The following DYRK1A variants were observed in gnomAD, a reference collection of about 807,000 sequenced individuals.
The protein encoded by DYRK1A is dual specificity tyrosine phosphorylation regulated kinase 1A, also known as dual specificity tyrosine-phosphorylation-regulated kinase 1A.
Under a neutral mutation model 79.7 loss-of-function variants are expected in DYRK1A, and 9 were observed. The observed-to-expected ratio is 0.11, with a 90% CI of 0.07 to 0.20. DYRK1A has a LOEUF of 0.20. DYRK1A is among the 10% of genes least tolerant of loss of function. The pLI is 1.00. For missense variants in DYRK1A, 622 were observed against 956.0 expected (o/e 0.65, Z 4.61); for synonymous variants, 349 against 329.7 (o/e 1.06, Z -0.63).
At chr21:37,374,456 A>C (rs2049496562) in intron 1 of DYRK1A, among the ~76,000 whole-genome samples, 1 of 151,858 alleles carries the variant, frequency 6.6e-6, no homozygotes, top group Non-Finnish European at 1.5e-5. Flanking sequence ...GGGAAAACTA[A>C]TGGTTCCCAA....
At chr21:37,379,278 G>A (rs1252925640) in intron 1 of DYRK1A, among the ~76,000 whole-genome samples, 1 of 152,180 alleles carries the variant, frequency 6.6e-6, no homozygotes, top group Non-Finnish European at 1.5e-5. Flanking sequence ...GTATAGGCAT[G>A]AGGGAATACG....
chr21:37,447,189 A>G (rs963292968), intron 2 of DYRK1A, among the ~76,000 whole-genome samples: 1 of 152,144 alleles, frequency 6.6e-6, no homozygotes, highest in African/African-American at 2.4e-5. Context: ...GTTTTCTCTG[A>G]GGGCCTTGTT....
chr21:37,397,924 AATT>A (rs1462385710), intron 1 of DYRK1A, among the ~76,000 whole-genome samples: 1 of 151,934 alleles, frequency 6.6e-6, no homozygotes, highest in Non-Finnish European at 1.5e-5. Context: ...TTGTATTTCA[AATT>A]ATTTCATAAA....
At chr21:37,489,188 C>A (rs2052985534) in intron 6 of DYRK1A, among the ~76,000 whole-genome samples, 1 of 152,118 alleles carries the variant, frequency 6.6e-6, no homozygotes, top group Admixed American at 6.6e-5. Context: ...CCAGATAGAT[C>A]TGTAGAGAAA....
At chr21:37,478,513 T>G (rs950923004) in intron 4 of DYRK1A, among the ~76,000 whole-genome samples, 1 of 151,974 alleles carries the variant, frequency 6.6e-6, no homozygotes, top group Non-Finnish European at 1.5e-5. Flanking sequence ...GATAACTTGA[T>G]TTTTTTAAGG....
chr21:37,394,879 A>T (rs2049932862), intron 1 of DYRK1A, among the ~76,000 whole-genome samples: 2 of 152,196 alleles, frequency 1.3e-5, no homozygotes, highest in Admixed American at 6.5e-5. Flanking sequence ...AATCCTGAAT[A>T]TGTACTTCGT....
chr21:37,402,135 T>G (rs2050065136), intron 1 of DYRK1A, among the ~76,000 whole-genome samples: 2 of 152,228 alleles, frequency 1.3e-5, no homozygotes, highest in African/African-American at 4.8e-5. Flanking sequence ...TGCTTTAAGC[T>G]GTATTTTAAA....
At chr21:37,374,764 AG>A (rs1218620732) in intron 1 of DYRK1A, among the ~76,000 whole-genome samples, 4 of 152,132 alleles carry the variant, frequency 2.6e-5, no homozygotes, top group African/African-American at 9.7e-5. Flanking sequence ...TGTGTTAGCC[AG>A]GATGGTCTCA....
Position 37,518,907 on chromosome 21 carries a change from C to G in DYRK1A, c.*6376C>G, listed in dbSNP as rs2053907733. The stretch of plus-strand genomic sequence containing the variant: ...GGATTACAGGCGTGAGCTACTTCAC[C>G]CAGCCCCAAGAACATCTTGAAATGG... On this transcript the variant is annotated 3_prime_UTR_variant, in exon 12 of 12. Transcript: ENST00000647188. The G allele has an allele frequency of 4.6e-5, 7 of 152,128 alleles. No individual in the cohort carries two copies. The highest frequency in any genetic ancestry group is 4.6e-4 in the Admixed American group (7 of 15,276). 9.4% of individuals were successfully genotyped at this position (152,128 alleles called of 1,614,324 possible).
intron 2 of DYRK1A, among the ~76,000 whole-genome samples, chr21:37,451,686 G>A (rs191596189): frequency 6.6e-6 from 1 of 152,086 alleles, no homozygotes; most frequent in Non-Finnish European, 1.5e-5. Flanking sequence ...AGGCTCCACT[G>A]TCTAGCGTGG....
chr21:37,374,259 A>G (rs1382973542), intron 1 of DYRK1A, among the ~76,000 whole-genome samples: 1 of 151,422 alleles, frequency 6.6e-6, no homozygotes, highest in African/African-American at 2.4e-5. Flanking sequence ...TAACACTCGC[A>G]TGTTGTCAGG....
chr21:37,465,257 C>G lies in DYRK1A; in HGVS notation c.11-7427C>G, dbSNP rs1469668032. Among the ~76,000 whole-genome samples the G allele has an allele frequency of 2.0e-5, 3 of 152,298 alleles. No individual in the cohort carries two copies. In the East Asian group the frequency reaches 5.8e-4, roughly 29 times the overall value. On this transcript the variant is annotated intron_variant, in intron 2 of 11. Transcript: ENST00000647188. ...AAGTTTTTTCTTGCCAATTCACATT[C>G]AGATCATCCACAGCAAATTCCAAAA...
intron 1 of DYRK1A, among the ~76,000 whole-genome samples, chr21:37,390,177 C>G (rs2049843786): frequency 6.6e-6 from 1 of 152,058 alleles, no homozygotes. Flanking sequence ...TCACTGGTCC[C>G]CAGAGAATAT....
chr21:37,515,073 T>G lies in DYRK1A; in HGVS notation c.*2542T>G, dbSNP rs2049565427. ...CCTGTGTTCAGATTGTAAGATCTAG[T>G]CCGGACTTGCTGTGTATATTGTAAC... On this transcript the variant is annotated 3_prime_UTR_variant, in exon 12 of 12. Transcript: ENST00000647188. 6.5e-6 allele frequency: 1 copy of G among 152,692 alleles called. No homozygotes were observed. The highest frequency in any genetic ancestry group is 1.5e-5 in the Non-Finnish European group (1 of 68,050). 9.5% of individuals were successfully genotyped at this position (152,692 alleles called of 1,614,324 possible). A position where few individuals can be genotyped will look rare whatever the true frequency, so the allele number is the denominator to read the frequency against.
intron 2 of DYRK1A, among the ~76,000 whole-genome samples, chr21:37,430,672 T>G (rs1339838916): frequency 1.3e-5 from 2 of 152,178 alleles, no homozygotes; most frequent in East Asian, 3.8e-4. Flanking sequence ...AAGATTCTCT[T>G]TCTCTGCTTG....
chr21:37,373,859 T>C (rs571639929), intron 1 of DYRK1A, among the ~76,000 whole-genome samples: 1 of 152,224 alleles, frequency 6.6e-6, no homozygotes, highest in Non-Finnish European at 1.5e-5. Context: ...GATTAAACAT[T>C]GCCTGTTACA....
At chr21:37,472,611 CCA>C in intron 2 of DYRK1A, 71 bp from the exon 3 acceptor site, 1 of 1,268,474 alleles carries the variant, frequency 7.9e-7, no homozygotes, top group African/African-American at 1.5e-5. Flanking sequence ...ATTTAAGGAA[CCA>C]TTAGATATGT....
chr21:37,413,468 G>T (rs1159042330), intron 1 of DYRK1A, among the ~76,000 whole-genome samples: 1 of 152,126 alleles, frequency 6.6e-6, no homozygotes, highest in Non-Finnish European at 1.5e-5. Context: ...AAAAGTTGGT[G>T]CTGTCAGAAG....
Position 37,452,240 on chromosome 21 carries a change from G to T in DYRK1A, c.11-20444G>T, listed in dbSNP as rs551293185. On this transcript the variant is annotated intron_variant, in intron 2 of 11. Coordinates refer to ENST00000647188, the MANE Select transcript of DYRK1A (RefSeq NM_001347721.2). ...TGGATAAGGAGCAGTTATTGTAGGG[G>T]ATTCCCCTGGCCCCTTTCTGGATTA... is the stretch of plus-strand genomic sequence containing the variant. Among the ~76,000 whole-genome samples the T allele has an allele frequency of 7.2e-5, 11 of 151,996 alleles. No individual in the cohort carries two copies. In the South Asian group the frequency reaches 1.9e-3, roughly 26 times the overall value.
Sources: gnomAD v4.1 joint callset for allele counts (sites outside exome capture counted in the v4.1 genomes callset) on GRCh38, gnomAD v4.1.1 for gene constraint, MANE v1.5 for transcripts, NCBI Gene and HGNC (gene_info 2026-07-23, HGNC 2026-07-21) for gene names.